Variants in RPTOR observed in about 807,000 individuals in gnomAD.
RPTOR encodes the protein regulatory-associated protein of mTOR.
RPTOR carries 21 observed loss-of-function variants against 169.9 expected under a neutral mutation model. The observed-to-expected ratio is 0.12, with a 90% CI of 0.09 to 0.18. The LOEUF (loss-of-function observed/expected upper bound fraction) is 0.18. Ranked by LOEUF, RPTOR falls within the 10% of genes least tolerant of loss-of-function variation. The pLI is 1.00. For synonymous variants in RPTOR, 732 were observed against 753.2 expected (o/e 0.97, Z 0.46); for missense variants, 1,133 against 1,855.9 (o/e 0.61, Z 7.16).
At position 80,822,300 on chromosome 17, in the gene RPTOR, G is replaced by T; in HGVS notation, c.990G>T (p.Arg330=). 6.2e-7 allele frequency: 1 copy of T among 1,613,940 alleles called. No individual in the cohort carries two copies. Among genetic ancestry groups the T allele is most frequent in the South Asian group, 1.1e-5 (1 of 91,086 alleles). The stretch of plus-strand genomic sequence containing the variant: ...CCATCGCGTGGAACGTGCTCCCCCG[G>T]GGTGAGGCGCGGGCCGGGCCTTGGG... ...TDTIAWNVLP[R]DLFQKLFRQD... Residue 330 remains arginine (R), a splice_region_variant and synonymous_variant, in exon 8 of 34, where the codon CGG becomes CGT. Transcript: ENST00000306801.
chr17:80,549,438 T>C (rs2084318821), intron 1 of RPTOR, among the ~76,000 whole-genome samples: 1 of 152,000 alleles, frequency 6.6e-6, no homozygotes, highest in Admixed American at 6.6e-5. Context: ...GCCTCCCGAG[T>C]AGCTGGGATT....
chr17:80,773,070 G>A (rs1280181572), intron 6 of RPTOR, among the ~76,000 whole-genome samples: 1 of 152,238 alleles, frequency 6.6e-6, no homozygotes, highest in East Asian at 1.9e-4. Context: ...CAGGTGGCAT[G>A]CGCTGGCACT....
At chr17:80,605,317 G>C (rs1215642656) in intron 1 of RPTOR, among the ~76,000 whole-genome samples, 1 of 152,166 alleles carries the variant, frequency 6.6e-6, no homozygotes, top group Non-Finnish European at 1.5e-5. Flanking sequence ...TGGGAGAGGG[G>C]CTTTGTGATG....
chr17:80,866,909 A>G (rs1047088763), intron 13 of RPTOR, among the ~76,000 whole-genome samples: 2 of 152,194 alleles, frequency 1.3e-5, no homozygotes, highest in African/African-American at 4.8e-5. Flanking sequence ...GAAAACTTTT[A>G]CTACAAAGAA....
chr17:80,682,304 C>G (rs1033521990), intron 3 of RPTOR, among the ~76,000 whole-genome samples: 2 of 152,078 alleles, frequency 1.3e-5, no homozygotes, highest in Non-Finnish European at 2.9e-5. Flanking sequence ...AGGGGTCTCC[C>G]TATGTAACTC....
At chr17:80,814,464 C>T (rs190225666) in intron 7 of RPTOR, among the ~76,000 whole-genome samples, 6 of 152,250 alleles carry the variant, frequency 3.9e-5, no homozygotes, top group Admixed American at 6.5e-5. Context: ...TCACGAGCTT[C>T]TTAGATGATG....
At position 80,695,438 on chromosome 17, in the gene RPTOR, G is replaced by GCT. The variant is rs2066028319; in HGVS notation, c.349-12397_349-12396dup. Among the ~76,000 whole-genome samples, 1 of 152,160 alleles carries GCT rather than the reference G, an allele frequency of 6.6e-6. No homozygotes were observed. The highest frequency in any genetic ancestry group is 2.1e-4 in the South Asian group (1 of 4,822). ...TTTCCCATCTCTGGGCGGGACCTGTGCTCTCTCCCTGTAACAGTGGCCTCT... is the reference window on the plus strand; with the variant it reads ...TTTCCCATCTCTGGGCGGGACCTGTGCTCTCTCTCCCTGTAACAGTGGCCTCT... On this transcript the variant is annotated intron_variant, in intron 3 of 33. Transcript: ENST00000306801. The surrounding 1 kb of genome is among the most constrained non-coding windows in gnomAD (Gnocchi z 4.9).
intron 4 of RPTOR, among the ~76,000 whole-genome samples, chr17:80,720,769 C>CTGTGGATA (rs2066278529): frequency 1.3e-5 from 2 of 151,784 alleles, no homozygotes; most frequent in African/African-American, 4.9e-5. Flanking sequence ...GCCAGGCCCT[C>CTGTGGATA]CCTGAGCCTC....
At chr17:80,851,054 G>A (rs1030753597) in intron 11 of RPTOR, among the ~76,000 whole-genome samples, 1 of 152,200 alleles carries the variant, frequency 6.6e-6, no homozygotes, top group African/African-American at 2.4e-5. Flanking sequence ...TCAGCCTCCT[G>A]AGTAGCTGGA....
At chr17:80,583,777 C>G (rs1265472090) in intron 1 of RPTOR, among the ~76,000 whole-genome samples, 1 of 152,228 alleles carries the variant, frequency 6.6e-6, no homozygotes, top group African/African-American at 2.4e-5. Context: ...GGAATCAGCT[C>G]TCCGATGATA....
chr17:80,716,860 T>G (rs2066243412), intron 4 of RPTOR, among the ~76,000 whole-genome samples: 1 of 152,234 alleles, frequency 6.6e-6, no homozygotes, highest in Non-Finnish European at 1.5e-5. Context: ...GTTTGCTTTG[T>G]TGAAGATCAG....
intron 3 of RPTOR, among the ~76,000 whole-genome samples, chr17:80,696,319 T>C (rs1187155369): frequency 5.9e-5 from 9 of 152,172 alleles, no homozygotes; most frequent in Non-Finnish European, 8.8e-5. Flanking sequence ...AAATAAAATA[T>C]GCAAATAGAG....
chr17:80,797,536 G>T (rs188973831), intron 7 of RPTOR, among the ~76,000 whole-genome samples: 27 of 152,330 alleles, frequency 1.8e-4, no homozygotes, highest in Admixed American at 1.5e-3. Context: ...TCCTGCCTTG[G>T]CTTCCCAAAG....
Position 80,651,535 on chromosome 17 carries a change from A to AC in RPTOR, c.348+7725_348+7726insC, listed in dbSNP as rs1555602308. ...CTTGTTGGTATGACACATAATGGAGATTTTTTTAAAATGGACATACGAAGC... is the reference window on the plus strand; with the variant it reads ...CTTGTTGGTATGACACATAATGGAGACTTTTTTTAAAATGGACATACGAAGC... On this transcript the variant is annotated intron_variant, in intron 3 of 33. Coordinates refer to ENST00000306801, the MANE Select transcript of RPTOR (RefSeq NM_020761.3). This position sits in a 1 kb window ranked among gnomAD's most constrained non-coding sequence, Gnocchi z 4.1. Among the ~76,000 whole-genome samples the AC allele has an allele frequency of 2.0e-5, 3 of 151,990 alleles. No individual in the cohort carries two copies. Among genetic ancestry groups the AC allele is most frequent in the South Asian group, 4.2e-4 (2 of 4,808 alleles).
intron 3 of RPTOR, among the ~76,000 whole-genome samples, chr17:80,683,185 A>C (rs1002941984): frequency 6.6e-6 from 1 of 152,138 alleles, no homozygotes; most frequent in Non-Finnish European, 1.5e-5. Context: ...CGGACTACAC[A>C]CGGCTTTTTG....
At chr17:80,954,410 C>T (rs2069222310) in intron 28 of RPTOR, among the ~76,000 whole-genome samples, 1 of 152,026 alleles carries the variant, frequency 6.6e-6, no homozygotes, top group African/African-American at 2.4e-5. Context: ...GCGTGAGCCA[C>T]TGTGCCCGGG....
chr17:80,648,685 C>T (rs893545018), intron 3 of RPTOR, among the ~76,000 whole-genome samples: 8 of 152,082 alleles, frequency 5.3e-5, no homozygotes, highest in South Asian at 2.1e-4. Context: ...ACAAGTCACT[C>T]GCTTCCTTGT....
chr17:80,582,691 G>A (rs1282538420), intron 1 of RPTOR, among the ~76,000 whole-genome samples: 1 of 151,386 alleles, frequency 6.6e-6, no homozygotes, highest in African/African-American at 2.4e-5. Context: ...GACTACAGGC[G>A]CCCGCCACCA....
At chr17:80,741,554 G>A (rs1332967341) in intron 5 of RPTOR, among the ~76,000 whole-genome samples, 1 of 152,234 alleles carries the variant, frequency 6.6e-6, no homozygotes, top group East Asian at 1.9e-4. Context: ...CTGGAGGGTG[G>A]ATGGAGGTCT....
Sources: gnomAD v4.1 joint callset for allele counts (sites outside exome capture counted in the v4.1 genomes callset) on GRCh38, gnomAD v4.1.1 for gene constraint, Gnocchi (gnomAD v3.1) non-coding constraint, MANE v1.5 for transcripts, NCBI Gene and HGNC (gene_info 2026-07-23, HGNC 2026-07-21) for gene names.